FBXO34: variants seen among roughly 807,000 people sequenced by gnomAD.
FBXO34 encodes the protein F-box protein 34, also known as F-box only protein 34.
In FBXO34, 12 loss-of-function variants were observed where a neutral mutation model predicts 24.5. The observed-to-expected ratio is 0.49, with a 90% confidence interval of 0.31 to 0.79. The LOEUF is 0.79. FBXO34 is among the 30% of genes least tolerant of loss of function. The pLI is 0.04. For missense variants in FBXO34, 823 were observed against 857.7 expected, an observed-to-expected ratio of 0.96 and a Z score of 0.51; for synonymous variants, 320 against 311.9, an observed-to-expected ratio of 1.03 and a Z score of -0.27.
At chr14:55,360,221 C>T (rs545853264) in intron 3 of FBXO34, among the ~76,000 whole-genome samples, 310 of 152,200 alleles carry the variant, frequency 2.0e-3, no homozygotes, top group African/African-American at 7.1e-3. Flanking sequence ...TACAGGTGCG[C>T]ACCACCATGC....
At chr14:55,421,060 C>CA in the FBXO34 span, among the ~76,000 whole-genome samples, 2,202 of 107,480 alleles carry the variant, frequency 0.02, 72 homozygotes, top group East Asian at 0.078. Context: ...GAATCTGTCT[C>CA]AAAAAAAAAA....
chr14:55,357,602 C>T (rs752076339), downstream of FBXO34, among the ~76,000 whole-genome samples: 13 of 152,088 alleles, frequency 8.5e-5, no homozygotes, highest in Non-Finnish European at 1.9e-4. Context: ...AATCATTAAG[C>T]TCAGGAGTTT....
intron 1 of FBXO34, among the ~76,000 whole-genome samples, chr14:55,272,647 G>C (rs139054820): frequency 1.3e-5 from 2 of 151,572 alleles, no homozygotes; most frequent in African/African-American, 4.8e-5. Context: ...AGGGAGGGAG[G>C]AGTTTGAATT....
chr14:55,395,235 C>A, the FBXO34 span: 2 of 361,800 alleles, frequency 5.5e-6, no homozygotes, highest in Non-Finnish European at 1.1e-5. Context: ...CTTGGGCATC[C>A]TGGCTGCAGG....
the FBXO34 span, among the ~76,000 whole-genome samples, chr14:55,437,631 A>T: frequency 6.6e-6 from 1 of 152,248 alleles, no homozygotes; most frequent in Non-Finnish European, 1.5e-5. Flanking sequence ...CAATAGAGGC[A>T]ATTGAGCAAC....
chr14:55,357,840 A>G (rs146938639), downstream of FBXO34, among the ~76,000 whole-genome samples: 122 of 152,360 alleles, frequency 8.0e-4, no homozygotes, highest in South Asian at 0.02. Context: ...TAAAAAACTA[A>G]AAATCAATTA....
downstream of FBXO34, among the ~76,000 whole-genome samples, chr14:55,358,489 C>A (rs998516803): frequency 6.6e-6 from 1 of 152,176 alleles, no homozygotes; most frequent in African/African-American, 2.4e-5. Context: ...AGCCACTTCT[C>A]AGGACGAAGG....
chr14:55,392,648 CAAAAA>C, the FBXO34 span, among the ~76,000 whole-genome samples: 3 of 51,890 alleles, frequency 5.8e-5, no homozygotes, highest in Admixed American at 1.9e-4. Flanking sequence ...GACTCCACCT[CAAAAA>C]AAAAAAAAAA....
chr14:55,369,303 G>A (rs115370885), downstream of FBXO34: 1,595 of 205,672 alleles, frequency 7.8e-3, 33 homozygotes, highest in African/African-American at 0.035. Flanking sequence ...CCGGTGGCCC[G>A]GGCCCAGAGG....
the FBXO34 span, among the ~76,000 whole-genome samples, chr14:55,380,853 G>GTATATATATATATATATA: frequency 1.9e-5 from 2 of 107,998 alleles, no homozygotes; most frequent in African/African-American, 4.6e-5. Flanking sequence ...CATTCTTTGT[G>GTATATATATATATATATA]TGTATATATA....
the FBXO34 span, among the ~76,000 whole-genome samples, chr14:55,439,623 C>A: frequency 1.5e-5 from 2 of 136,742 alleles, no homozygotes; most frequent in Non-Finnish European, 3.2e-5. Context: ...AACCCCCCCC[C>A]GTCTCTACTA....
intron 1 of FBXO34, among the ~76,000 whole-genome samples, chr14:55,347,288 A>G (rs1005032537): frequency 6.6e-6 from 1 of 152,172 alleles, no homozygotes. Context: ...AAGTGCCACC[A>G]TCTGTTGTAA....
intron 1 of FBXO34, among the ~76,000 whole-genome samples, chr14:55,338,870 C>T (rs1883885905): frequency 6.6e-6 from 1 of 151,006 alleles, no homozygotes; most frequent in Middle Eastern, 3.2e-3. Context: ...TGCGCCACTG[C>T]ACTCCAGCCT....
the FBXO34 span, among the ~76,000 whole-genome samples, chr14:55,383,718 T>C: frequency 1.3e-5 from 2 of 150,808 alleles, no homozygotes; most frequent in African/African-American, 4.9e-5. Context: ...AATCATACCA[T>C]TGCACTCCAG....
At chr14:55,399,938 C>A in the FBXO34 span, among the ~76,000 whole-genome samples, 2 of 152,178 alleles carry the variant, frequency 1.3e-5, no homozygotes, top group Non-Finnish European at 2.9e-5. Context: ...CAAACTCTTA[C>A]AAATATACAG....
At chr14:55,422,972 AT>A in the FBXO34 span, among the ~76,000 whole-genome samples, 26 of 152,062 alleles carry the variant, frequency 1.7e-4, no homozygotes, top group African/African-American at 3.1e-4. Flanking sequence ...TGCAAAAATT[AT>A]TTAAAAAAAA....
At chr14:55,367,924 G>A (rs539296389) in exon 3 of FBXO34, 3 of 152,634 alleles carry the variant, frequency 2.0e-5, no homozygotes, top group South Asian at 4.1e-4. Flanking sequence ...CTCGGACTTG[G>A]AGGCAAAGTA....
chr14:55,380,875 A>ATTTTTTTTTTTTTTT, the FBXO34 span, among the ~76,000 whole-genome samples: 1 of 112,732 alleles, frequency 8.9e-6, no homozygotes, highest in Non-Finnish European at 1.7e-5. Flanking sequence ...ATATATATAT[A>ATTTTTTTTTTTTTTT]TTTTTTTTTT....
At chr14:55,402,926 A>AAATATATATATAT in the FBXO34 span, among the ~76,000 whole-genome samples, 1 of 16,398 alleles carries the variant, frequency 6.1e-5, no homozygotes, top group Non-Finnish European at 1.1e-4. Context: ...AAAAAAAAAA[A>AAATATATATATAT]ATATATATAT....
Sources: allele counts gnomAD v4.1 joint callset (sites outside exome capture counted in the v4.1 genomes callset), GRCh38; gene constraint gnomAD v4.1.1; transcripts MANE v1.5; gene names NCBI Gene and HGNC (gene_info 2026-07-23, HGNC 2026-07-21).